KIRREL1: variants seen among roughly 807,000 people sequenced by gnomAD.
KIRREL1 encodes the protein kirre like nephrin family adhesion molecule 1, also known as kin of IRRE-like protein 1.
Under a neutral mutation model 83.3 loss-of-function variants are expected in KIRREL1, and 25 were observed. The observed-to-expected ratio is 0.30, with a 90% confidence interval of 0.22 to 0.42. The LOEUF (loss-of-function observed/expected upper bound fraction) is 0.42, where lower values mean the gene tolerates loss of function less well. Ranked by LOEUF, KIRREL1 falls within the 10% of genes least tolerant of loss-of-function variation. The pLI is 1.00. For missense variants in KIRREL1, 812 were observed against 1,032.3 expected (o/e 0.79, Z 2.92); for synonymous variants, 388 against 410.4 (o/e 0.95, Z 0.66).
chr1:158,016,171 G>A (rs146423492), intron 1 of KIRREL1, among the ~76,000 whole-genome samples: 1,887 of 152,122 alleles, frequency 0.012, 39 homozygotes, highest in African/African-American at 0.039. Flanking sequence ...AGGTGTAGTG[G>A]CGTCTGCCTG....
chr1:158,035,888 C>T (rs930894327), intron 1 of KIRREL1, among the ~76,000 whole-genome samples: 11 of 152,166 alleles, frequency 7.2e-5, no homozygotes, highest in Admixed American at 1.3e-4. Context: ...CTTAGAAAGG[C>T]ATTTTACTAC....
At chr1:157,996,775 G>A (rs1659218086) in intron 1 of KIRREL1, among the ~76,000 whole-genome samples, 1 of 152,200 alleles carries the variant, frequency 6.6e-6, no homozygotes, top group South Asian at 2.1e-4. Context: ...CAGGACACTG[G>A]GTTCCTCTCT....
intron 1 of KIRREL1, among the ~76,000 whole-genome samples, chr1:158,041,067 G>C (rs1289418281): frequency 6.6e-6 from 1 of 152,158 alleles, no homozygotes; most frequent in Non-Finnish European, 1.5e-5. Context: ...AATGTTTATT[G>C]AGCAGCTATT....
chr1:158,029,513 CTT>C (rs1228582555), intron 1 of KIRREL1, among the ~76,000 whole-genome samples: 1 of 152,124 alleles, frequency 6.6e-6, no homozygotes, highest in Non-Finnish European at 1.5e-5. Context: ...TTATGGGAGT[CTT>C]ATATTTAGAT....
intron 1 of KIRREL1, among the ~76,000 whole-genome samples, chr1:158,020,016 AGTG>A (rs1352001250): frequency 4.6e-5 from 7 of 152,144 alleles, no homozygotes; most frequent in Non-Finnish European, 7.4e-5. Flanking sequence ...CAGAATAGCC[AGTG>A]GAAAGGAAGT....
rs998136058 is a variant in KIRREL1 at position 158,096,650 on chromosome 1, A to G, written c.*1530A>G. ...TTACACAGGCCATTTCTCCTCCTCC[A>G]TGTGCACGCACATCCAACACACACC... On this transcript the variant is annotated 3_prime_UTR_variant, in exon 15 of 15. Coordinates refer to ENST00000359209, the MANE Select transcript of KIRREL1 (RefSeq NM_018240.7). The G allele has an allele frequency of 2.0e-5, 9 of 456,618 alleles. No individual in the cohort carries two copies. The highest frequency in any genetic ancestry group is 1.0e-4 in the African/African-American group (5 of 50,056). The allele number at this position is 456,618 out of a possible 1,614,324, so 28.3% of individuals were successfully genotyped here. A position where few individuals can be genotyped will look rare whatever the true frequency, so the allele number is the denominator to read the frequency against.
At chr1:158,071,224 C>T (rs940747619) in intron 1 of KIRREL1, among the ~76,000 whole-genome samples, 12 of 152,282 alleles carry the variant, frequency 7.9e-5, no homozygotes, top group African/African-American at 2.2e-4. Flanking sequence ...CTACAGAGCT[C>T]GCCTCTTCCC....
chr1:158,065,299 G>C (rs1023376625), intron 1 of KIRREL1, among the ~76,000 whole-genome samples: 5 of 152,214 alleles, frequency 3.3e-5, no homozygotes, highest in Admixed American at 6.5e-5. Context: ...GCTCTTCTCA[G>C]ATTGTGCTTA....
chr1:158,093,584 G>A, intron 12 of KIRREL1, 39 bp from the exon 13 acceptor site: 1 of 1,613,338 alleles, frequency 6.2e-7, no homozygotes, highest in Admixed American at 1.7e-5. Context: ...GCAGAGACCA[G>A]CAGGAAGCAC....
At chr1:158,058,522 C>T (rs1315962311) in intron 1 of KIRREL1, among the ~76,000 whole-genome samples, 1 of 152,124 alleles carries the variant, frequency 6.6e-6, no homozygotes, top group Admixed American at 6.5e-5. Flanking sequence ...CAAAGTGACC[C>T]CCATGGATGT....
intron 1 of KIRREL1, among the ~76,000 whole-genome samples, chr1:158,031,326 A>T (rs11264876): frequency 6.6e-6 from 1 of 151,860 alleles, no homozygotes; most frequent in Non-Finnish European, 1.5e-5. Context: ...CCCTCCACTA[A>T]ACACACACAC....
chr1:158,017,689 C>A (rs1659871545), intron 1 of KIRREL1, among the ~76,000 whole-genome samples: 1 of 151,148 alleles, frequency 6.6e-6, no homozygotes. Flanking sequence ...GAGACTCTGT[C>A]TCAAAAAAAC....
chr1:157,997,729 C>T (rs887337335), intron 1 of KIRREL1, among the ~76,000 whole-genome samples: 3 of 152,066 alleles, frequency 2.0e-5, no homozygotes, highest in Admixed American at 1.3e-4. Context: ...ACACTAGCCC[C>T]GAGGTGGCAG....
At position 157,995,704 on chromosome 1, in the gene KIRREL1, T is replaced by C. The variant is rs1380715763; in HGVS notation, c.52+1976T>C. ...GAATTGTGTGTTGTGTGCCTTTCTCTCTTTGGAAAGGAGCGAGTGGCTAGG... is the reference window on the plus strand; with the variant it reads ...GAATTGTGTGTTGTGTGCCTTTCTCCCTTTGGAAAGGAGCGAGTGGCTAGG... On this transcript the variant is annotated intron_variant, in intron 1 of 14. Transcript: ENST00000359209. Among the ~76,000 whole-genome samples, 3 of 152,162 alleles carry C rather than the reference T, an allele frequency of 2.0e-5. No homozygotes were observed. The East Asian group carries it at 5.8e-4, about 29-fold the overall frequency.
chr1:158,045,133 G>A (rs1660740381), intron 1 of KIRREL1, among the ~76,000 whole-genome samples: 1 of 152,214 alleles, frequency 6.6e-6, no homozygotes. Flanking sequence ...TTGAGGAAAA[G>A]CCAGTGTGGA....
chr1:158,008,149 C>T (rs1203206875), intron 1 of KIRREL1, among the ~76,000 whole-genome samples: 4 of 151,730 alleles, frequency 2.6e-5, no homozygotes, highest in African/African-American at 7.3e-5. Flanking sequence ...TGCTCCTAGC[C>T]GGCAGCGAGG....
At position 158,065,281 on chromosome 1, in the gene KIRREL1, C is replaced by T. The variant is rs187546726; in HGVS notation, c.53-10832C>T. On this transcript the variant is annotated intron_variant, in intron 1 of 14. Transcript: ENST00000359209. Reference sequence around the variant, plus strand: ...CCAGCCTGTTGCGGGGACCCAGGCACCATTCTGGCTCTTCTCAGATTGTGC... The same window carrying T: ...CCAGCCTGTTGCGGGGACCCAGGCATCATTCTGGCTCTTCTCAGATTGTGC... Among the ~76,000 whole-genome samples the T allele has an allele frequency of 1.1e-3, 167 of 152,310 alleles. 1 individual carries two copies. Among genetic ancestry groups the T allele is most frequent in the African/African-American group, 3.9e-3 (163 of 41,560 alleles).
At chr1:158,068,352 G>A (rs1371030660) in intron 1 of KIRREL1, among the ~76,000 whole-genome samples, 1 of 152,204 alleles carries the variant, frequency 6.6e-6, no homozygotes, top group Non-Finnish European at 1.5e-5. Context: ...CAAGGCAATG[G>A]AGTTTTCTGA....
At chr1:158,037,009 GCCCTTCAGGGC>G (rs1462385022) in intron 1 of KIRREL1, among the ~76,000 whole-genome samples, 2 of 152,188 alleles carry the variant, frequency 1.3e-5, no homozygotes, top group African/African-American at 2.4e-5. Flanking sequence ...TCTCAGCTGG[GCCCTTCAGGGC>G]CTCCCGTGTC....
Sources: gnomAD v4.1 joint callset for allele counts (sites outside exome capture counted in the v4.1 genomes callset) on GRCh38, gnomAD v4.1.1 for gene constraint, MANE v1.5 for transcripts, NCBI Gene and HGNC (gene_info 2026-07-23, HGNC 2026-07-21) for gene names.